Variants in FARP2 observed in about 807,000 individuals in gnomAD.
The protein encoded by FARP2 is FERM, ARH/RhoGEF and pleckstrin domain protein 2.
FARP2 carries 111 observed loss-of-function variants against 130.5 expected under a neutral mutation model. The ratio of observed to expected loss-of-function variants is 0.85; its 90% CI spans 0.73 to 1.00. The LOEUF (loss-of-function observed/expected upper bound fraction) is 1.00, where lower values mean the gene tolerates loss of function less well. Among genes scored for constraint, FARP2 ranks in the 50% least tolerant of loss-of-function variants. The pLI is 0.00. For synonymous variants in FARP2, 504 were observed against 516.9 expected (o/e 0.98, Z 0.34); for missense variants, 1,385 against 1,346.3 (o/e 1.03, Z -0.45).
chr2:241,421,932 T>A (rs1559754205), intron 8 of FARP2, among the ~76,000 whole-genome samples: 1 of 151,942 alleles, frequency 6.6e-6, no homozygotes, highest in Non-Finnish European at 1.5e-5. Flanking sequence ...TCACTTGAGG[T>A]CAGGAGTTCA....
intron 8 of FARP2, among the ~76,000 whole-genome samples, chr2:241,426,961 G>A (rs529981632): frequency 3.9e-5 from 6 of 152,228 alleles, no homozygotes; most frequent in South Asian, 2.1e-4. Flanking sequence ...CAGGCTGGGC[G>A]CGGTGGCTCA....
At chr2:241,485,979 T>G (rs541357454) in intron 21 of FARP2, among the ~76,000 whole-genome samples, 1 of 152,350 alleles carries the variant, frequency 6.6e-6, no homozygotes, top group South Asian at 2.1e-4. Context: ...GCCAAAACCC[T>G]CAGGCAGGTG....
chr2:241,487,726 A>G (rs2064790079), intron 21 of FARP2, among the ~76,000 whole-genome samples: 1 of 143,806 alleles, frequency 7.0e-6, no homozygotes, highest in Non-Finnish European at 1.5e-5. Flanking sequence ...CTCTGATGTC[A>G]TAGCTTAGCC....
intron 9 of FARP2, 48 bp downstream of exon 9, chr2:241,431,822 A>AT (rs780511279): frequency 1.5e-4 from 101 of 686,000 alleles, no homozygotes; most frequent in African/African-American, 1.3e-3. Flanking sequence ...TTATTTATTT[A>AT]TTTATTTATT....
In FARP2 at chr2:241,483,499, C is replaced by G. The variant is rs148445090; in HGVS notation, c.2297C>G (p.Thr766Ser). ...FIREGCLHKL[T>S]KKGLQQRMFF... ...CGTGAGGGCTGCCTTCACAAGCTCA[C>G]CAAGAAGGGCCTGCAGCAGAGGATG... is the stretch of plus-strand genomic sequence containing the variant. The change falls in exon 20 of 27, where the codon ACC (threonine) becomes AGC (serine). Residue 766 changes from threonine to serine, a missense_variant. Physicochemically the swap from Thr to Ser is moderately conservative, Grantham distance 58 (BLOSUM62 1). Transcript: ENST00000264042. 5.0e-6 allele frequency: 8 copies of G among 1,614,122 alleles called. No homozygotes were observed. In the Admixed American group the frequency reaches 8.3e-5, roughly 17 times the overall value.
chr2:241,453,435 A>G (rs972098075), intron 13 of FARP2, among the ~76,000 whole-genome samples: 2 of 151,850 alleles, frequency 1.3e-5, no homozygotes, highest in African/African-American at 4.8e-5. Flanking sequence ...ATCCTGGCTA[A>G]CATGGTGAAA....
intron 5 of FARP2, 68 bp downstream of exon 5, chr2:241,407,683 C>A: frequency 8.4e-7 from 1 of 1,183,776 alleles, no homozygotes; most frequent in Non-Finnish European, 1.3e-6. Context: ...TCTCCCACAG[C>A]ACCTGGCTCA....
At chr2:241,374,874 C>A (rs1426973354) in intron 2 of FARP2, among the ~76,000 whole-genome samples, 1 of 152,220 alleles carries the variant, frequency 6.6e-6, no homozygotes, top group Non-Finnish European at 1.5e-5. Context: ...TAGCAGTCGG[C>A]TGCCCTTTCA....
chr2:241,442,422 T>C (rs1380447101), intron 13 of FARP2: 1 of 456,518 alleles, frequency 2.2e-6, no homozygotes, highest in Non-Finnish European at 4.4e-6. Context: ...ACATAAGCCT[T>C]TTCTTCAGCA....
rs56128645 is a variant in FARP2, at chr2:241,474,317, CAAAAAAAAAAAAAAA to C, written c.2132-1521_2132-1507del. On this transcript the variant is annotated intron_variant, in intron 18 of 26. Coordinates refer to ENST00000264042, the MANE Select transcript of FARP2 (RefSeq NM_014808.4). ...CAGAGCGCAGAGCGAGATTCCGTCT[CAAAAAAAAAAAAAAA>C]AAAAAAAAAAAAAAAAAAGATAGAG... 1.0e-3 allele frequency among the ~76,000 whole-genome samples: 49 copies of C among 46,680 alleles called. 1 individual carries two copies. The highest frequency in any genetic ancestry group is 3.0e-3 in the South Asian group (2 of 676). The allele number at this position is 46,680 out of a possible 152,430, so 30.6% of individuals were successfully genotyped here. A position where few individuals can be genotyped will look rare whatever the true frequency, so the allele number is the denominator to read the frequency against.
intron 13 of FARP2, chr2:241,447,153 G>C (rs2063531486): frequency 6.6e-6 from 1 of 152,004 alleles, no homozygotes; most frequent in African/African-American, 2.4e-5. Flanking sequence ...TTTTAAATGG[G>C]CTTTTTAGCT....
At chr2:241,457,877 G>A (rs886811) in intron 14 of FARP2, among the ~76,000 whole-genome samples, 72,472 of 151,562 alleles carry the variant, frequency 0.48, 17,889 homozygotes, top group East Asian at 0.83. Context: ...GGGCGAGGGG[G>A]CGGTTCTCTG....
chr2:241,484,455 G>A, intron 21 of FARP2, 124 bp downstream of exon 21: 1 of 740,920 alleles, frequency 1.3e-6, no homozygotes, highest in South Asian at 1.6e-5. Context: ...TGAGTATTTG[G>A]CCGCACTGGG....
chr2:241,453,212 C>A (rs1274548269), intron 13 of FARP2, among the ~76,000 whole-genome samples: 1 of 151,756 alleles, frequency 6.6e-6, no homozygotes, highest in Non-Finnish European at 1.5e-5. Flanking sequence ...CATCTCTAGT[C>A]CCAGCTACTC....
At chr2:241,378,050 G>A (rs1005252361) in intron 2 of FARP2, among the ~76,000 whole-genome samples, 2 of 152,054 alleles carry the variant, frequency 1.3e-5, no homozygotes, top group Non-Finnish European at 1.5e-5. Context: ...AGCCATCCTA[G>A]TAGGTGTGTA....
chr2:241,437,535 G>A (rs1378005127), intron 12 of FARP2, among the ~76,000 whole-genome samples: 2 of 151,900 alleles, frequency 1.3e-5, no homozygotes, highest in Non-Finnish European at 2.9e-5. Context: ...GCATGATCTA[G>A]GCTCACTGCA....
At chr2:241,370,246 T>A (rs767716549) in intron 1 of FARP2, among the ~76,000 whole-genome samples, 1 of 152,206 alleles carries the variant, frequency 6.6e-6, no homozygotes, top group Non-Finnish European at 1.5e-5. Flanking sequence ...ATACCCTAAT[T>A]TGACCATTAC....
Position 241,377,366 on chromosome 2 carries a change from G to A in FARP2, c.183+4076G>A, listed in dbSNP as rs1270559269. The stretch of plus-strand genomic sequence containing the variant: ...TTTTTTTTTTTTGAGACAGAGTCTC[G>A]CTCTGTCGCCCAGGCCGGACTGCGG... On this transcript the variant is annotated intron_variant, in intron 2 of 26. Coordinates refer to ENST00000264042, the MANE Select transcript of FARP2 (RefSeq NM_014808.4). Among the ~76,000 whole-genome samples, 3 of 142,874 alleles carry A rather than the reference G, an allele frequency of 2.1e-5. No individual in the cohort carries two copies. In the East Asian group the frequency reaches 6.1e-4, roughly 29 times the overall value. The allele number at this position is 142,874 out of a possible 152,430, so 93.7% of individuals were successfully genotyped here. A position where few individuals can be genotyped will look rare whatever the true frequency, so the allele number is the denominator to read the frequency against.
Position 241,494,025 on chromosome 2 carries a change from AG to A in FARP2, c.3070del (p.Ala1024ProfsTer81). The A allele has an allele frequency of 7.9e-6, 11 of 1,396,172 alleles. No homozygotes were observed. Among genetic ancestry groups the A allele is most frequent in the Non-Finnish European group, 8.4e-6 (9 of 1,072,612 alleles). 86.5% of individuals were successfully genotyped at this position (1,396,172 alleles called of 1,614,324 possible). A position where few individuals can be genotyped will look rare whatever the true frequency, so the allele number is the denominator to read the frequency against. On this transcript the variant is annotated frameshift_variant, in exon 27 of 27. Coordinates refer to ENST00000264042, the MANE Select transcript of FARP2 (RefSeq NM_014808.4). LOFTEE classifies it low-confidence loss of function (END_TRUNC). This position sits in a 1 kb window ranked among gnomAD's most constrained non-coding sequence, Gnocchi z 4.9. ...TCCTCCAGGTGGATGGAGGTGATCCAGGGGGCCAGCAGCTCAGCCGGGAGGG... is the reference window on the plus strand; with the variant it reads ...TCCTCCAGGTGGATGGAGGTGATCCAGGGGCCAGCAGCTCAGCCGGGAGGG... ...YTFERWMEVI[Q>X]GASSSAGRAP...
Sources: gnomAD v4.1 joint callset for allele counts (sites outside exome capture counted in the v4.1 genomes callset) on GRCh38, gnomAD v4.1.1 for gene constraint, Gnocchi (gnomAD v3.1) non-coding constraint, MANE v1.5 for transcripts, NCBI Gene and HGNC (gene_info 2026-07-23, HGNC 2026-07-21) for gene names.